The following TRIM66 variants were observed in gnomAD, a reference collection of about 807,000 sequenced individuals.
The protein encoded by TRIM66 is tripartite motif containing 66.
In TRIM66, 99 loss-of-function variants were observed where a neutral mutation model predicts 148.2. The ratio of observed to expected loss-of-function variants is 0.67; its 90% confidence interval spans 0.57 to 0.79. The LOEUF (loss-of-function observed/expected upper bound fraction) is 0.79, where lower values mean the gene tolerates loss of function less well. TRIM66 is among the 30% of genes least tolerant of loss of function. TRIM66 has a pLI of 0.00. For synonymous variants in TRIM66, 616 were observed against 635.9 expected, an observed-to-expected ratio of 0.97 and a Z score of 0.47; for missense variants, 1,666 against 1,697.9, an observed-to-expected ratio of 0.98 and a Z score of 0.33.
chr11:8,677,888 C>T (rs144427550), intron 3 of TRIM66, among the ~76,000 whole-genome samples: 1 of 152,266 alleles, frequency 6.6e-6, no homozygotes, highest in Non-Finnish European at 1.5e-5. Flanking sequence ...AAGAAAGACT[C>T]CTAAAAATTC....
chr11:8,659,981 G>A (rs2038137846), intron 6 of TRIM66, among the ~76,000 whole-genome samples: 2 of 152,140 alleles, frequency 1.3e-5, no homozygotes, highest in Non-Finnish European at 2.9e-5. Flanking sequence ...GGGCTCAAGT[G>A]ATCCTCCTGC....
At position 8,638,642 on chromosome 11, in the gene TRIM66, C is replaced by T. The variant is rs763519334; in HGVS notation, c.2310+12G>A. On this transcript the variant is annotated intron_variant, in intron 15 of 24. Coordinates refer to ENST00000646038, the MANE Select transcript of TRIM66 (RefSeq NM_001388022.1). ...GTCCCATGTAGTTAGGGAAAACAGG[C>T]TCCTTCAGTACCTTTCTCACCACAT... is the stretch of plus-strand genomic sequence containing the variant. The T allele has an allele frequency of 4.5e-6, 7 of 1,545,056 alleles. No individual in the cohort carries two copies. The highest frequency in any genetic ancestry group is 1.7e-6 in the Non-Finnish European group (2 of 1,145,148).
At position 8,617,521 on chromosome 11, in the gene TRIM66, C is replaced by G. The variant is rs756757385; in HGVS notation, c.*423G>C. 5.7e-5 allele frequency: 10 copies of G among 175,456 alleles called. No individual in the cohort carries two copies. Among genetic ancestry groups the G allele is most frequent in the Admixed American group, 5.6e-5 (1 of 17,836 alleles). The allele number at this position is 175,456 out of a possible 1,614,324, so 10.9% of individuals were successfully genotyped here. ...ACAGTCCTGCCATATGTCTAAACCT[C>G]TCTCCCTTCTTTTACCCACTTCTGA... On this transcript the variant is annotated 3_prime_UTR_variant, in exon 25 of 25. Coordinates refer to ENST00000646038, the MANE Select transcript of TRIM66 (RefSeq NM_001388022.1).
rs967745408 is a variant in TRIM66 at position 8,616,853 on chromosome 11, G to C, written c.*1091C>G. 3 of 152,178 alleles carry C rather than the reference G, an allele frequency of 2.0e-5. No homozygotes were observed. Among genetic ancestry groups the C allele is most frequent in the Non-Finnish European group, 4.4e-5 (3 of 68,052 alleles). The allele number at this position is 152,178 out of a possible 1,614,324, so 9.4% of individuals were successfully genotyped here. On this transcript the variant is annotated 3_prime_UTR_variant, in exon 25 of 25. Coordinates refer to ENST00000646038, the MANE Select transcript of TRIM66 (RefSeq NM_001388022.1). ...AAGTGTTGGCTTTTTTGGGGCTGTA[G>C]ACAGCCTGGAGGCGGGCTGGTCAGA...
intron 4 of TRIM66, among the ~76,000 whole-genome samples, chr11:8,673,519 G>T (rs1287194135): frequency 6.6e-6 from 1 of 152,096 alleles, no homozygotes; most frequent in East Asian, 1.9e-4. Context: ...ACAACATTGT[G>T]GCACAAAATG....
intron 12 of TRIM66, 133 bp from the exon 13 acceptor site, chr11:8,643,259 C>CAGG: frequency 3.1e-6 from 2 of 651,950 alleles, no homozygotes; most frequent in Non-Finnish European, 5.2e-6. Flanking sequence ...TCCATATTCT[C>CAGG]ATTCTCTTGC....
At chr11:8,682,501 G>C (rs963573055) in intron 1 of TRIM66, 100 bp downstream of exon 1, 7 of 473,222 alleles carry the variant, frequency 1.5e-5, no homozygotes, top group Admixed American at 4.1e-5. Flanking sequence ...CGCCAGAAAA[G>C]GGCCTGGCTC....
chr11:8,679,276 T>G (rs577261759), intron 3 of TRIM66: 1 of 152,328 alleles, frequency 6.6e-6, no homozygotes, highest in African/African-American at 2.4e-5. Flanking sequence ...TGTGGTTGCC[T>G]TTTGAAGGAG....
chr11:8,638,893 T>C (rs1443000318), intron 14 of TRIM66, 78 bp from the exon 15 acceptor site: 6 of 1,436,572 alleles, frequency 4.2e-6, no homozygotes, highest in Non-Finnish European at 4.7e-6. Flanking sequence ...CAAAGGCTAG[T>C]GCTCACCCTG....
chr11:8,649,810 G>A lies in TRIM66; in HGVS notation c.522C>T (p.Cys174=), dbSNP rs537937620. 1.9e-6 allele frequency: 3 copies of A among 1,551,674 alleles called. No individual in the cohort carries two copies. The East Asian group carries it at 7.3e-5, about 38-fold the overall frequency. ...TYCNRWLCSS[C]TEEHRHSPVP... is the part of the protein sequence containing the mutation. Reference sequence around the variant, plus strand: ...CAGGGCTGTGTCGGTGTTCCTCTGTGCAAGAGCTGCACAGCCAGCGATTGC... The same window carrying A: ...CAGGGCTGTGTCGGTGTTCCTCTGTACAAGAGCTGCACAGCCAGCGATTGC... The change falls in exon 8 of 25, where the codon TGC becomes TGT. Residue 174 remains cysteine, a synonymous_variant. Coordinates refer to ENST00000646038, the MANE Select transcript of TRIM66 (RefSeq NM_001388022.1).
chr11:8,646,018 G>A, intron 11 of TRIM66, 131 bp from the exon 12 acceptor site: 1 of 852,588 alleles, frequency 1.2e-6, no homozygotes, highest in Non-Finnish European at 1.8e-6. Context: ...GGACAGCAGG[G>A]CAGAGTGTTG....
At chr11:8,682,761 C>G, upstream of TRIM66, 5 of 1,613,302 alleles carry the variant, frequency 3.1e-6, no homozygotes, top group Non-Finnish European at 4.2e-6. Flanking sequence ...CCCCCGTGGC[C>G]GATACCTCGC....
intron 6 of TRIM66, among the ~76,000 whole-genome samples, chr11:8,663,530 T>G (rs928840788): frequency 3.3e-5 from 5 of 152,164 alleles, no homozygotes; most frequent in African/African-American, 1.2e-4. Context: ...TGTCTCGCTC[T>G]CTCTCTCTTC....
chr11:8,622,888 GACAA>G lies in TRIM66; in HGVS notation c.3020-16_3020-13del, dbSNP rs1046993953. 5 of 1,551,544 alleles carry G rather than the reference GACAA, an allele frequency of 3.2e-6. No homozygotes were observed. The highest frequency in any genetic ancestry group is 2.4e-5 in the East Asian group (1 of 40,906). ...AAAATTCTCACACTCTAAGGCAAAAGACAAACAAATACCTGTGACACACATTTGT... is the reference window on the plus strand; with the variant it reads ...AAAATTCTCACACTCTAAGGCAAAAGACAAATACCTGTGACACACATTTGT... On this transcript the variant is annotated splice_polypyrimidine_tract_variant and intron_variant, in intron 17 of 24. Transcript: ENST00000646038.
intron 6 of TRIM66, among the ~76,000 whole-genome samples, chr11:8,657,730 A>G (rs981895011): frequency 3.3e-5 from 5 of 151,984 alleles, no homozygotes; most frequent in African/African-American, 1.2e-4. Context: ...TAAGGCCCCC[A>G]CCACACAGCC....
At chr11:8,653,230 C>G (rs866719114) in intron 6 of TRIM66, among the ~76,000 whole-genome samples, 1 of 152,180 alleles carries the variant, frequency 6.6e-6, no homozygotes, top group Non-Finnish European at 1.5e-5. Context: ...AGACTCTCCA[C>G]GAGCTTCAGG....
At chr11:8,648,630 G>A in intron 8 of TRIM66, 82 bp from the exon 9 acceptor site, 3 of 1,473,614 alleles carry the variant, frequency 2.0e-6, no homozygotes, top group Non-Finnish European at 2.7e-6. Context: ...ACAGCTCTCA[G>A]CCTTCAGAGG....
At chr11:8,680,353 T>C (rs2039353110) in intron 1 of TRIM66, among the ~76,000 whole-genome samples, 1 of 152,090 alleles carries the variant, frequency 6.6e-6, no homozygotes, top group African/African-American at 2.4e-5. Context: ...GGTGGAGGTG[T>C]GAAGGATACA....
intron 6 of TRIM66, among the ~76,000 whole-genome samples, chr11:8,670,962 G>A (rs1479478916): frequency 6.6e-6 from 1 of 152,216 alleles, no homozygotes; most frequent in Non-Finnish European, 1.5e-5. Flanking sequence ...ATGAAAATAT[G>A]TGTGTGGACC....
Sources: allele counts gnomAD v4.1 joint callset (sites outside exome capture counted in the v4.1 genomes callset), GRCh38; gene constraint gnomAD v4.1.1; transcripts MANE v1.5; gene names NCBI Gene and HGNC (gene_info 2026-07-23, HGNC 2026-07-21).